The following AUTS2 variants were observed in gnomAD, a reference collection of about 807,000 sequenced individuals.
AUTS2 encodes the protein activator of transcription and developmental regulator AUTS2, also known as autism susceptibility gene 2 protein.
Under a neutral mutation model 112.4 loss-of-function variants are expected in AUTS2, and 17 were observed. That is an observed-to-expected ratio of 0.15 (90% CI 0.10 to 0.23). The LOEUF (loss-of-function observed/expected upper bound fraction) is 0.23. Ranked by LOEUF, AUTS2 falls within the 10% of genes least tolerant of loss-of-function variation. The pLI is 1.00. For synonymous variants in AUTS2, 751 were observed against 702.7 expected, an observed-to-expected ratio of 1.07 and a Z score of -1.09; for missense variants, 1,510 against 1,701.6, an observed-to-expected ratio of 0.89 and a Z score of 1.98.
intron 3 of AUTS2, among the ~76,000 whole-genome samples, chr7:70,122,762 G>T (rs1294983803): frequency 2.0e-5 from 3 of 149,628 alleles, no homozygotes; most frequent in African/African-American, 7.3e-5. Flanking sequence ...TTACTGAAAT[G>T]TTTTGAGATC....
chr7:70,436,025 A>G lies in AUTS2; in HGVS notation c.690+244A>G, dbSNP rs530655119. On this transcript the variant is annotated intron_variant, in intron 5 of 18. Coordinates refer to ENST00000342771, the MANE Select transcript of AUTS2 (RefSeq NM_015570.4). Reference sequence around the variant, plus strand: ...TGCATATATGTGACACTGAGTTTTTACTTTATGGAAGATGACTCATAGACT... The same window carrying G: ...TGCATATATGTGACACTGAGTTTTTGCTTTATGGAAGATGACTCATAGACT... The G allele has an allele frequency of 1.6e-3, 627 of 396,046 alleles. 1 individual carries two copies. The highest frequency in any genetic ancestry group is 5.2e-3 in the Middle Eastern group (8 of 1,548). The allele number at this position is 396,046 out of a possible 1,614,324, so 24.5% of individuals were successfully genotyped here.
intron 4 of AUTS2, among the ~76,000 whole-genome samples, chr7:70,153,713 A>G (rs1352662023): frequency 6.6e-6 from 1 of 152,092 alleles, no homozygotes; most frequent in Non-Finnish European, 1.5e-5. Flanking sequence ...GCACTTTAAT[A>G]CCTCTCTAGC....
chr7:70,582,359 T>A (rs1259004596), intron 5 of AUTS2, among the ~76,000 whole-genome samples: 1 of 152,186 alleles, frequency 6.6e-6, no homozygotes, highest in Non-Finnish European at 1.5e-5. Context: ...GCATCCCATA[T>A]TTCAGGCTGA....
chr7:70,496,420 A>C (rs1367040164), intron 5 of AUTS2, among the ~76,000 whole-genome samples: 1 of 133,774 alleles, frequency 7.5e-6, no homozygotes, highest in Non-Finnish European at 1.6e-5. Flanking sequence ...CACCCCACAC[A>C]TGCACATGTC....
At chr7:70,000,958 C>A (rs1288017534) in intron 2 of AUTS2, among the ~76,000 whole-genome samples, 7 of 152,226 alleles carry the variant, frequency 4.6e-5, no homozygotes, top group Non-Finnish European at 1.0e-4. Context: ...GCATTCAACC[C>A]AGCCTTCTGC....
intron 1 of AUTS2, among the ~76,000 whole-genome samples, chr7:69,800,021 T>G (rs1009073914): frequency 1.3e-5 from 2 of 152,238 alleles, no homozygotes; most frequent in African/African-American, 4.8e-5. Flanking sequence ...GGGTTATTAT[T>G]TGTAATAACT....
chr7:70,739,003 C>CTTTTTTTTTTTTTTTTTTTTTTT lies in AUTS2; in HGVS notation c.743-23855_743-23833dup, dbSNP rs57525224. On this transcript the variant is annotated intron_variant, in intron 6 of 18. Coordinates refer to ENST00000342771, the MANE Select transcript of AUTS2 (RefSeq NM_015570.4). ...GGTGATGTCCACGAGGTTTTGAGGC[C>CTTTTTTTTTTTTTTTTTTTTTTT]TTTTTTTTTTTTTTTTTTTTTTTTT... Among the ~76,000 whole-genome samples the CTTTTTTTTTTTTTTTTTTTTTTT allele has an allele frequency of 8.7e-5, 5 of 57,308 alleles. 1 individual carries two copies. The highest frequency in any genetic ancestry group is 1.6e-4 in the Non-Finnish European group (5 of 31,710). 37.6% of individuals were successfully genotyped at this position (57,308 alleles called of 152,430 possible). A position where few individuals can be genotyped will look rare whatever the true frequency, so the allele number is the denominator to read the frequency against.
At chr7:70,447,987 A>G (rs894932910) in intron 5 of AUTS2, among the ~76,000 whole-genome samples, 1 of 152,172 alleles carries the variant, frequency 6.6e-6, no homozygotes, top group Non-Finnish European at 1.5e-5. Context: ...ATGTTGAATC[A>G]TGTTCTTTAA....
chr7:70,791,126 A>G lies in AUTS2; in HGVS notation c.*130A>G. On this transcript the variant is annotated 3_prime_UTR_variant, in exon 19 of 19. Transcript: ENST00000342771. The stretch of plus-strand genomic sequence containing the variant: ...GCCCCACCCCTTCCCCTTGTAAAAA[A>G]TGTATAGACTCAGTGCACATTTTGA... 2 of 919,810 alleles carry G rather than the reference A, an allele frequency of 2.2e-6. No individual in the cohort carries two copies. The highest frequency in any genetic ancestry group is 2.9e-6 in the Non-Finnish European group (2 of 683,380). 57.0% of individuals were successfully genotyped at this position (919,810 alleles called of 1,614,324 possible). A position where few individuals can be genotyped will look rare whatever the true frequency, so the allele number is the denominator to read the frequency against.
chr7:70,615,606 A>T lies in AUTS2; in HGVS notation c.691-82963A>T, dbSNP rs536893880. On this transcript the variant is annotated intron_variant, in intron 5 of 18. Transcript: ENST00000342771. The stretch of plus-strand genomic sequence containing the variant: ...TTGTTGTTGTTGTTGTTGTTGTTGG[A>T]AAAGCATTTATTCTCTTTAGGAGCC... Among the ~76,000 whole-genome samples the T allele has an allele frequency of 3.6e-3, 475 of 131,662 alleles. 2 individuals carry two copies. The highest frequency in any genetic ancestry group is 5.7e-3 in the Non-Finnish European group (352 of 61,354). 86.4% of individuals were successfully genotyped at this position (131,662 alleles called of 152,430 possible). A position where few individuals can be genotyped will look rare whatever the true frequency, so the allele number is the denominator to read the frequency against.
intron 5 of AUTS2, among the ~76,000 whole-genome samples, chr7:70,655,701 A>G (rs184819746): frequency 3.9e-5 from 6 of 152,306 alleles, no homozygotes; most frequent in Non-Finnish European, 8.8e-5. Context: ...TTATTGGCTT[A>G]GACCAATCAC....
At chr7:70,784,242 GTC>G (rs1436137445) in intron 15 of AUTS2, 1 of 152,148 alleles carries the variant, frequency 6.6e-6, no homozygotes, top group African/African-American at 2.4e-5. Context: ...GTTTTATAGA[GTC>G]GGGTCTTATA....
intron 12 of AUTS2, among the ~76,000 whole-genome samples, chr7:70,774,548 C>A (rs181657160): frequency 6.6e-6 from 1 of 152,150 alleles, no homozygotes; most frequent in Non-Finnish European, 1.5e-5. Flanking sequence ...TACTGCACGG[C>A]TCTTTGGCCC....
chr7:69,915,116 G>A (rs1795523548), intron 2 of AUTS2, among the ~76,000 whole-genome samples: 1 of 152,202 alleles, frequency 6.6e-6, no homozygotes, highest in South Asian at 2.1e-4. Context: ...TTAACAACAA[G>A]TGAGGCTGAG....
intron 5 of AUTS2, among the ~76,000 whole-genome samples, chr7:70,668,329 C>A (rs1177439576): frequency 6.6e-6 from 1 of 152,312 alleles, no homozygotes; most frequent in Middle Eastern, 3.4e-3. Context: ...CTGCTGGCCC[C>A]AGGACCACAT....
chr7:70,049,788 G>A (rs1351142232), intron 2 of AUTS2, among the ~76,000 whole-genome samples: 1 of 151,826 alleles, frequency 6.6e-6, no homozygotes, highest in African/African-American at 2.4e-5. Flanking sequence ...AGGATCACTT[G>A]AAGCCAGGAG....
At chr7:70,455,523 G>A (rs1396953484) in intron 5 of AUTS2, among the ~76,000 whole-genome samples, 1 of 152,200 alleles carries the variant, frequency 6.6e-6, no homozygotes, top group Non-Finnish European at 1.5e-5. Flanking sequence ...GGACTTCCCA[G>A]CAGCTGAGCG....
chr7:70,530,551 A>C (rs1206137111), intron 5 of AUTS2, among the ~76,000 whole-genome samples: 1 of 152,130 alleles, frequency 6.6e-6, no homozygotes, highest in African/African-American at 2.4e-5. Context: ...ACTTATGATG[A>C]TGATAGCAGA....
At chr7:70,115,116 A>T (rs886443063) in intron 2 of AUTS2, among the ~76,000 whole-genome samples, 2 of 152,182 alleles carry the variant, frequency 1.3e-5, no homozygotes, top group Non-Finnish European at 2.9e-5. Context: ...CCCTTAGCCT[A>T]GATCAACATT....
Sources: allele counts gnomAD v4.1 joint callset (sites outside exome capture counted in the v4.1 genomes callset), GRCh38; gene constraint gnomAD v4.1.1; transcripts MANE v1.5; gene names NCBI Gene and HGNC (gene_info 2026-07-23, HGNC 2026-07-21).